Variants in GABRG3 observed in about 807,000 individuals in gnomAD.
GABRG3 encodes the protein gamma-aminobutyric acid type A receptor subunit gamma3, also known as gamma-aminobutyric acid receptor subunit gamma-3.
A neutral mutation model predicts 48.8 loss-of-function variants in GABRG3; 25 were observed. That is an observed-to-expected ratio of 0.51 (90% CI 0.37 to 0.72). The LOEUF (loss-of-function observed/expected upper bound fraction) is 0.72, where lower values mean the gene tolerates loss of function less well. Among genes scored for constraint, GABRG3 ranks in the 30% least tolerant of loss-of-function variants. The pLI, the probability that GABRG3 is intolerant of heterozygous loss-of-function variation, is 0.00. For synonymous variants in GABRG3, 227 were observed against 217.6 expected, an observed-to-expected ratio of 1.04 and a Z score of -0.38; for missense variants, 394 against 577.9, an observed-to-expected ratio of 0.68 and a Z score of 3.26.
intron 3 of GABRG3, among the ~76,000 whole-genome samples, chr15:27,129,622 A>G (rs997099268): frequency 2.6e-5 from 4 of 152,124 alleles, no homozygotes; most frequent in South Asian, 2.1e-4. Flanking sequence ...ACTGTTTTCC[A>G]TAGTGGCTAT....
chr15:27,302,262 G>A (rs979997842), intron 3 of GABRG3, among the ~76,000 whole-genome samples: 1 of 152,042 alleles, frequency 6.6e-6, no homozygotes, highest in East Asian at 1.9e-4. Flanking sequence ...AGTGGAGAGG[G>A]TAACGGAATC....
At chr15:27,006,704 G>C (rs1470109930) in intron 2 of GABRG3, among the ~76,000 whole-genome samples, 5 of 151,992 alleles carry the variant, frequency 3.3e-5, no homozygotes, top group Non-Finnish European at 5.9e-5. Context: ...CTTTCTATTT[G>C]TCTGTGTGTA....
At chr15:27,260,696 C>G (rs1440265921) in intron 3 of GABRG3, among the ~76,000 whole-genome samples, 2 of 152,108 alleles carry the variant, frequency 1.3e-5, no homozygotes, top group Non-Finnish European at 2.9e-5. Flanking sequence ...TTCAAGGACT[C>G]AGACAGTTGG....
At chr15:27,286,008 A>C (rs904566749) in intron 3 of GABRG3, among the ~76,000 whole-genome samples, 3 of 152,204 alleles carry the variant, frequency 2.0e-5, no homozygotes, top group African/African-American at 7.2e-5. Context: ...TTAGGTTGGG[A>C]TCTTACTTAG....
intron 3 of GABRG3, among the ~76,000 whole-genome samples, chr15:27,258,588 A>G (rs944553284): frequency 2.6e-5 from 4 of 152,154 alleles, no homozygotes; most frequent in Admixed American, 6.5e-5. Context: ...TCTTTTGCTT[A>G]GCACTTTCTT....
intron 6 of GABRG3, among the ~76,000 whole-genome samples, chr15:27,503,929 C>CTTTATCTG (rs1345102111): frequency 6.6e-6 from 1 of 152,102 alleles, no homozygotes; most frequent in Non-Finnish European, 1.5e-5. Flanking sequence ...AAATGAATTT[C>CTTTATCTG]TTTATCTGTT....
chr15:27,454,455 G>C (rs775873866), intron 5 of GABRG3, among the ~76,000 whole-genome samples: 6 of 152,114 alleles, frequency 3.9e-5, no homozygotes, highest in Non-Finnish European at 8.8e-5. Context: ...TGAAAAACAT[G>C]GTAGAAAGGT....
chr15:27,099,027 C>T lies in GABRG3; in HGVS notation c.270+72206C>T, dbSNP rs532560115. Among the ~76,000 whole-genome samples the T allele has an allele frequency of 1.7e-4, 26 of 152,258 alleles. 1 individual carries two copies. The South Asian group carries it at 5.2e-3, about 30-fold the overall frequency. ...AAGTGCCGAGGATATGATCAAAACT[C>T]ACTTGAATTACAGCAAAACAGGAAA... On this transcript the variant is annotated intron_variant, in intron 3 of 9. Transcript: ENST00000615808.
chr15:27,288,730 A>T lies in GABRG3; in HGVS notation c.271-38079A>T, dbSNP rs72702096. On this transcript the variant is annotated intron_variant, in intron 3 of 9. Transcript: ENST00000615808. ...CTCCGTCTCACAGAAAAAAAAAAAAAAATAAGAGGAAAAAGTTAAAATATT... is the reference window on the plus strand; with the variant it reads ...CTCCGTCTCACAGAAAAAAAAAAAATAATAAGAGGAAAAAGTTAAAATATT... Among the ~76,000 whole-genome samples, 22 of 150,688 alleles carry T rather than the reference A, an allele frequency of 1.5e-4. No individual in the cohort carries two copies. In the East Asian group the frequency reaches 3.1e-3, roughly 21 times the overall value.
At chr15:27,282,945 G>A (rs1021437156) in intron 3 of GABRG3, among the ~76,000 whole-genome samples, 2 of 152,084 alleles carry the variant, frequency 1.3e-5, no homozygotes, top group African/African-American at 2.4e-5. Context: ...TGGTGGAGAC[G>A]GTTCAGGCTA....
At chr15:27,308,532 A>G (rs1018719428) in intron 3 of GABRG3, among the ~76,000 whole-genome samples, 3 of 147,586 alleles carry the variant, frequency 2.0e-5, no homozygotes, top group African/African-American at 7.5e-5. Context: ...ACATGTTTAT[A>G]TAAACATATA....
At chr15:27,064,660 G>T (rs1436160850) in intron 3 of GABRG3, among the ~76,000 whole-genome samples, 1 of 152,098 alleles carries the variant, frequency 6.6e-6, no homozygotes, top group African/African-American at 2.4e-5. Flanking sequence ...TTTCATCTCA[G>T]CTGGGGGCCC....
chr15:27,526,238 G>T (rs1891274011), intron 7 of GABRG3, among the ~76,000 whole-genome samples: 1 of 152,198 alleles, frequency 6.6e-6, no homozygotes, highest in South Asian at 2.1e-4. Context: ...CATGCTTTGA[G>T]ACCCATTCTC....
chr15:27,234,066 G>A (rs1889884250), intron 3 of GABRG3, among the ~76,000 whole-genome samples: 1 of 152,002 alleles, frequency 6.6e-6, no homozygotes, highest in South Asian at 2.1e-4. Context: ...CTTTTTTTCT[G>A]TTAGTCTAAG....
At chr15:27,255,939 C>T (rs1176471053) in intron 3 of GABRG3, among the ~76,000 whole-genome samples, 2 of 152,202 alleles carry the variant, frequency 1.3e-5, no homozygotes. Context: ...AGAATAATGA[C>T]CCTCTCTCTC....
rs1891507272 is a variant in GABRG3 at position 27,534,580 on chromosome 15, T to A, written c.*1699T>A. 6.6e-6 allele frequency: 1 copy of A among 152,208 alleles called. No individual in the cohort carries two copies. Among genetic ancestry groups the A allele is most frequent in the Admixed American group, 6.5e-5 (1 of 15,278 alleles). 9.4% of individuals were successfully genotyped at this position (152,208 alleles called of 1,614,324 possible). A position where few individuals can be genotyped will look rare whatever the true frequency, so the allele number is the denominator to read the frequency against. The stretch of plus-strand genomic sequence containing the variant: ...AATTAATTTGACCTAGAAACCGTAA[T>A]TTTTAAAATTATCTATTGTGCATAC... On this transcript the variant is annotated 3_prime_UTR_variant, in exon 10 of 10. Coordinates refer to ENST00000615808, the MANE Select transcript of GABRG3 (RefSeq NM_033223.5).
chr15:27,220,481 G>A lies in GABRG3; in HGVS notation c.271-106328G>A, dbSNP rs1027229054. Among the ~76,000 whole-genome samples, 4 of 152,244 alleles carry A rather than the reference G, an allele frequency of 2.6e-5. No homozygotes were observed. The South Asian group carries it at 8.3e-4, about 32-fold the overall frequency. On this transcript the variant is annotated intron_variant, in intron 3 of 9. Transcript: ENST00000615808. ...AGCAAGAGTGATGGCCTGTAGACGTGACCTTCTTTAGGCTCCTCAGGAAGA... is the reference window on the plus strand; with the variant it reads ...AGCAAGAGTGATGGCCTGTAGACGTAACCTTCTTTAGGCTCCTCAGGAAGA...
chr15:27,280,264 TAAATA>T (rs1323696726), intron 3 of GABRG3: 1 of 152,194 alleles, frequency 6.6e-6, no homozygotes. Context: ...TTTTTATTTT[TAAATA>T]AAATGAATAC....
intron 3 of GABRG3, among the ~76,000 whole-genome samples, chr15:27,204,144 T>C (rs889569428): frequency 1.3e-5 from 2 of 152,114 alleles, no homozygotes; most frequent in African/African-American, 4.8e-5. Flanking sequence ...CAGTACAGTA[T>C]TTCTTAGGTT....
Sources: allele counts gnomAD v4.1 joint callset (sites outside exome capture counted in the v4.1 genomes callset), GRCh38; gene constraint gnomAD v4.1.1; transcripts MANE v1.5; gene names NCBI Gene and HGNC (gene_info 2026-07-23, HGNC 2026-07-21).